The following KDM2B variants were observed in gnomAD, a reference collection of about 807,000 sequenced individuals.
KDM2B encodes lysine demethylase 2B, also known as lysine-specific demethylase 2B.
Under a neutral mutation model 150.0 loss-of-function variants are expected in KDM2B, and 26 were observed. The observed-to-expected ratio is 0.17, with a 90% confidence interval of 0.13 to 0.24. The LOEUF is 0.24. Ranked by LOEUF, KDM2B falls within the 10% of genes least tolerant of loss-of-function variation. The probability of loss-of-function intolerance (pLI) is 1.00; values close to 1 mark genes in which losing one functional copy is unlikely to be tolerated. For missense variants in KDM2B, 1,265 were observed against 1,816.9 expected (o/e 0.70, Z 5.52); for synonymous variants, 734 against 729.5 (o/e 1.01, Z -0.10).
the KDM2B span, chr12:121,420,565 C>T: frequency 1.2e-6 from 2 of 1,613,758 alleles, no homozygotes; most frequent in Admixed American, 3.3e-5. Context: ...AATGGATGCT[C>T]TGTGGTTTCA....
chr12:121,451,319 A>T (rs1175933823), intron 13 of KDM2B, among the ~76,000 whole-genome samples: 1 of 152,228 alleles, frequency 6.6e-6, no homozygotes, highest in Non-Finnish European at 1.5e-5. Context: ...AGAATACAGT[A>T]TATAATACAT....
chr12:121,497,761 T>C (rs1340405155), intron 11 of KDM2B, among the ~76,000 whole-genome samples: 1 of 152,032 alleles, frequency 6.6e-6, no homozygotes, highest in Non-Finnish European at 1.5e-5. Flanking sequence ...AAATGTAATA[T>C]TGTACCTTGG....
intron 21 of KDM2B, 167 bp from the exon 22 acceptor site, chr12:121,440,242 T>A (rs1874747111): frequency 1.6e-6 from 1 of 606,234 alleles, no homozygotes; most frequent in African/African-American, 1.9e-5. Flanking sequence ...AAAATCAGAC[T>A]CCACATCAAA....
chr12:121,577,740 T>C (rs1315787756), intron 2 of KDM2B, among the ~76,000 whole-genome samples: 3 of 152,056 alleles, frequency 2.0e-5, no homozygotes, highest in African/African-American at 7.2e-5. Flanking sequence ...AATTGAAATA[T>C]CTGAAAGGGA....
chr12:121,454,649 A>C (rs1555292393), intron 12 of KDM2B, among the ~76,000 whole-genome samples: 1 of 152,164 alleles, frequency 6.6e-6, no homozygotes, highest in Admixed American at 6.5e-5. Flanking sequence ...GAAATGGTGA[A>C]GTCCCTGTCA....
At chr12:121,440,683 A>G in intron 21 of KDM2B, 133 bp downstream of exon 21, 2 of 913,570 alleles carry the variant, frequency 2.2e-6, no homozygotes, top group Non-Finnish European at 3.3e-6. Flanking sequence ...TGCCTGAAGC[A>G]AACTGAGAAC....
At chr12:121,410,278 C>G in the KDM2B span, among the ~76,000 whole-genome samples, 1 of 151,874 alleles carries the variant, frequency 6.6e-6, no homozygotes, top group African/African-American at 2.4e-5. Flanking sequence ...GTGGCTCATG[C>G]CTGTAATCCC....
At chr12:121,529,957 A>G (rs189951861) in intron 8 of KDM2B, among the ~76,000 whole-genome samples, 15 of 148,668 alleles carry the variant, frequency 1.0e-4, no homozygotes, top group Non-Finnish European at 1.5e-4. Flanking sequence ...GAGCAGGCGC[A>G]GTGGCTCACG....
chr12:121,430,667 AAG>A lies in KDM2B; in HGVS notation c.3830-200_3830-199del. Reference sequence around the variant, plus strand: ...GGAAGGGTCTCACCCGCCAGGTATAAAGGTTAATATATGCCTCAAAAGCATTC... The same window carrying A: ...GGAAGGGTCTCACCCGCCAGGTATAAGTTAATATATGCCTCAAAAGCATTC... On this transcript the variant is annotated intron_variant, in intron 22 of 22. Transcript: ENST00000377071. This position sits in a 1 kb window ranked among gnomAD's most constrained non-coding sequence, Gnocchi z 4.4. The A allele has an allele frequency of 1.7e-6, 1 of 597,276 alleles. No homozygotes were observed. The highest frequency in any genetic ancestry group is 3.0e-6 in the Non-Finnish European group (1 of 335,784). The allele number at this position is 597,276 out of a possible 1,614,324, so 37.0% of individuals were successfully genotyped here.
chr12:121,581,043 G>C (rs2136765125), upstream of KDM2B: 3 of 1,269,718 alleles, frequency 2.4e-6, no homozygotes, highest in African/African-American at 1.5e-5. Flanking sequence ...AGCCAGACCA[G>C]AGCCTTTGCA....
intron 12 of KDM2B, among the ~76,000 whole-genome samples, chr12:121,480,802 T>A (rs1882026558): frequency 6.6e-6 from 1 of 151,070 alleles, no homozygotes; most frequent in African/African-American, 2.4e-5. Context: ...AAACAGATAC[T>A]CCTTCCCATG....
chr12:121,448,251 T>A (rs1876612943), intron 13 of KDM2B, among the ~76,000 whole-genome samples: 1 of 129,076 alleles, frequency 7.7e-6, no homozygotes, highest in Non-Finnish European at 1.5e-5. Context: ...GCCCAGGAGG[T>A]AGAGGCTGCA....
intron 8 of KDM2B, among the ~76,000 whole-genome samples, chr12:121,531,357 C>T (rs1887646323): frequency 6.6e-6 from 1 of 152,148 alleles, no homozygotes; most frequent in Non-Finnish European, 1.5e-5. Context: ...TGTTGGAGGC[C>T]CCATCCCCAT....
chr12:121,435,482 T>C (rs1232245400), intron 22 of KDM2B, among the ~76,000 whole-genome samples: 2 of 152,168 alleles, frequency 1.3e-5, no homozygotes, highest in African/African-American at 4.8e-5. Context: ...GGAAGTGACA[T>C]GTACATTGGA....
Position 121,442,756 on chromosome 12 carries a change from G to C in KDM2B, c.2685C>G (p.Asp895Glu), listed in dbSNP as rs782152853. 3.9e-6 allele frequency: 6 copies of C among 1,550,582 alleles called. No individual in the cohort carries two copies. Among genetic ancestry groups the C allele is most frequent in the Non-Finnish European group, 5.2e-6 (6 of 1,154,392 alleles). ...TCTTGGGGGGCGCCTCGGGCAGTTC[G>C]TCCTCGGGTTCCTGCTTGAAGCGCC... ...PLRRFKQEPE[D>E]ELPEAPPKTR... The change falls in exon 19 of 23, where the codon GAC (aspartate) becomes GAG (glutamate). Residue 895 changes from aspartate (D) to glutamate (E), a missense_variant. Asp to Glu is a conservative substitution (Grantham distance 45, BLOSUM62 2). Transcript: ENST00000377071. This position sits in a 1 kb window ranked among gnomAD's most constrained non-coding sequence, Gnocchi z 7.7.
intron 21 of KDM2B, chr12:121,440,309 A>T (rs1463764360): frequency 5.4e-6 from 3 of 556,506 alleles, no homozygotes; most frequent in Non-Finnish European, 9.7e-6. Flanking sequence ...CTATGCCCAC[A>T]TTCCACCCAG....
intron 11 of KDM2B, among the ~76,000 whole-genome samples, chr12:121,495,489 G>C (rs556196800): frequency 4.6e-5 from 7 of 152,256 alleles, no homozygotes; most frequent in Non-Finnish European, 1.0e-4. Flanking sequence ...TGTGCAGACA[G>C]GGTATATGCC....
rs782109005 is a variant in KDM2B at position 121,440,156 on chromosome 12, C to T, written c.3611-81G>A. 214 of 996,108 alleles carry T rather than the reference C, an allele frequency of 2.1e-4. 1 individual carries two copies. The highest frequency in any genetic ancestry group is 3.0e-4 in the Non-Finnish European group (197 of 660,780). The allele number at this position is 996,108 out of a possible 1,614,324, so 61.7% of individuals were successfully genotyped here. ...ATGCTGACATGACACTCTAAAAGGC[C>T]CACCAGCCAGACAGAACACTCAGAT... is the stretch of plus-strand genomic sequence containing the variant. On this transcript the variant is annotated intron_variant, in intron 21 of 22. Transcript: ENST00000377071.
intron 1 of KDM2B, among the ~76,000 whole-genome samples, chr12:121,579,343 G>A (rs2136706645): frequency 6.6e-6 from 1 of 152,352 alleles, no homozygotes; most frequent in East Asian, 1.9e-4. Flanking sequence ...CCGCTGCGGC[G>A]CCCGGCTCGG....
Sources: gnomAD v4.1 joint callset for allele counts (sites outside exome capture counted in the v4.1 genomes callset) on GRCh38, gnomAD v4.1.1 for gene constraint, Gnocchi (gnomAD v3.1) non-coding constraint, MANE v1.5 for transcripts, NCBI Gene and HGNC (gene_info 2026-07-23, HGNC 2026-07-21) for gene names.